The following CCNYL1 variants were observed in gnomAD, a reference collection of about 807,000 sequenced individuals.
CCNYL1 encodes cyclin Y like 1.
CCNYL1 carries 16 observed loss-of-function variants against 44.2 expected under a neutral mutation model. The observed-to-expected ratio is 0.36, with a 90% CI of 0.25 to 0.55. The LOEUF (loss-of-function observed/expected upper bound fraction) is 0.55. Ranked by LOEUF, CCNYL1 falls within the 20% of genes least tolerant of loss-of-function variation. CCNYL1 has a pLI of 0.85. For synonymous variants in CCNYL1, 159 were observed against 163.2 expected (o/e 0.97, Z 0.20); for missense variants, 348 against 451.8 (o/e 0.77, Z 2.08).
chr2:207,729,457 A>G (rs2091708179), intron 3 of CCNYL1, among the ~76,000 whole-genome samples: 1 of 151,088 alleles, frequency 6.6e-6, no homozygotes. Flanking sequence ...CCTTTTTCCT[A>G]TTGTTTTGCT....
At chr2:207,733,882 GA>G (rs1489911521) in intron 3 of CCNYL1, 64 bp from the exon 4 acceptor site, 15 of 1,047,350 alleles carry the variant, frequency 1.4e-5, no homozygotes, top group Admixed American at 1.3e-4. Context: ...TTTAACCAAG[GA>G]AAAACCACAC....
chr2:207,731,577 A>G (rs1222076375), intron 3 of CCNYL1, among the ~76,000 whole-genome samples: 2 of 152,074 alleles, frequency 1.3e-5, no homozygotes, highest in African/African-American at 4.8e-5. Context: ...TTGAGGTTGT[A>G]AGTCAGCTTT....
intron 7 of CCNYL1, among the ~76,000 whole-genome samples, chr2:207,744,530 AT>A (rs57198526): frequency 3.5e-3 from 486 of 137,292 alleles, no homozygotes; most frequent in Middle Eastern, 3.8e-3. Context: ...ACCACGCCTA[AT>A]TTTTTTTTTT....
chr2:207,724,791 C>T lies in CCNYL1; in HGVS notation c.221-9C>T. On this transcript the variant is annotated splice_polypyrimidine_tract_variant and intron_variant, in intron 1 of 9. Coordinates refer to ENST00000295414, the MANE Select transcript of CCNYL1 (RefSeq NM_001330218.2). Reference sequence around the variant, plus strand: ...TAAAGTGTCACGTCTTTTTCCTCCTCTTCTATAGATTTAGCTTTGGAGTCA... The same window carrying T: ...TAAAGTGTCACGTCTTTTTCCTCCTTTTCTATAGATTTAGCTTTGGAGTCA... The T allele has an allele frequency of 6.2e-7, 1 of 1,608,240 alleles. No homozygotes were observed. The highest frequency in any genetic ancestry group is 8.5e-7 in the Non-Finnish European group (1 of 1,175,236).
At chr2:207,732,057 G>A (rs1466715713) in intron 3 of CCNYL1, among the ~76,000 whole-genome samples, 3 of 152,170 alleles carry the variant, frequency 2.0e-5, no homozygotes, top group South Asian at 2.1e-4. Flanking sequence ...TGATCCACCC[G>A]CCTTGGCCTT....
At chr2:207,714,454 G>T in intron 1 of CCNYL1, 1 of 369,450 alleles carries the variant, frequency 2.7e-6, no homozygotes, top group Non-Finnish European at 5.2e-6. Flanking sequence ...GTGCCATCTT[G>T]CCTGGCTCCA....
At chr2:207,714,387 C>T (rs957334315) in intron 1 of CCNYL1, 5 of 415,754 alleles carry the variant, frequency 1.2e-5, no homozygotes, top group Admixed American at 3.0e-5. Context: ...GAACTCCTGG[C>T]CTGGGCTCAA....
chr2:207,714,287 C>A, intron 1 of CCNYL1: 1 of 399,918 alleles, frequency 2.5e-6, no homozygotes, highest in South Asian at 1.8e-5. Flanking sequence ...TTATTTTACA[C>A]GATTCAGAGG....
intron 1 of CCNYL1, among the ~76,000 whole-genome samples, 160 bp downstream of exon 1, chr2:207,712,276 G>A (rs1309052612): frequency 1.3e-5 from 2 of 152,042 alleles, no homozygotes; most frequent in African/African-American, 4.8e-5. Context: ...CCTTATTCTT[G>A]CCCTGCTGCG....
chr2:207,722,767 T>G (rs554593686), intron 1 of CCNYL1, among the ~76,000 whole-genome samples: 2 of 152,184 alleles, frequency 1.3e-5, no homozygotes, highest in Admixed American at 1.3e-4. Context: ...GAGACCAGCC[T>G]GGCCAGCATG....
chr2:207,753,069 T>A (rs976427279), intron 9 of CCNYL1, among the ~76,000 whole-genome samples: 2 of 151,884 alleles, frequency 1.3e-5, no homozygotes, highest in Non-Finnish European at 2.9e-5. Flanking sequence ...ATTTCTACCA[T>A]AATTAACGTG....
chr2:207,715,230 T>A (rs1314030337), intron 1 of CCNYL1, among the ~76,000 whole-genome samples: 3 of 152,010 alleles, frequency 2.0e-5, no homozygotes, highest in Non-Finnish European at 4.4e-5. Flanking sequence ...ATCGTGCCAC[T>A]GCACTCTAGC....
intron 1 of CCNYL1, among the ~76,000 whole-genome samples, chr2:207,723,742 G>T (rs1045877570): frequency 2.0e-5 from 3 of 151,960 alleles, no homozygotes; most frequent in African/African-American, 7.3e-5. Context: ...CGGCGTGGTG[G>T]CAGGCACCTG....
In CCNYL1 at chr2:207,712,013, C is replaced by T. The variant is rs777386396; in HGVS notation, c.117C>T (p.Asp39=). 16 of 1,486,064 alleles carry T rather than the reference C, an allele frequency of 1.1e-5. No homozygotes were observed. The highest frequency in any genetic ancestry group is 2.3e-5 in the Admixed American group (1 of 43,392). The allele number at this position is 1,486,064 out of a possible 1,614,324, so 92.1% of individuals were successfully genotyped here. A position where few individuals can be genotyped will look rare whatever the true frequency, so the allele number is the denominator to read the frequency against. ...ACATCTACGAGGCGGTGTCCGGGGA[C>T]GCGGTGGCGGTAGCGCCCGCTGTGG... is the stretch of plus-strand genomic sequence containing the variant. The part of the protein sequence containing the change: ...ASDIYEAVSG[D]AVAVAPAVVE... The change falls in exon 1 of 10, where the codon GAC becomes GAT. Residue 39 remains aspartate (D), a synonymous_variant. Transcript: ENST00000295414.
chr2:207,733,812 T>C (rs2091746100), intron 3 of CCNYL1, 135 bp from the exon 4 acceptor site: 1 of 611,784 alleles, frequency 1.6e-6, no homozygotes, highest in Middle Eastern at 4.5e-4. Context: ...CTGCACATGA[T>C]ACTACACTCA....
intron 9 of CCNYL1, 45 bp from the exon 10 acceptor site, chr2:207,753,543 C>A (rs199796195): frequency 6.0e-6 from 8 of 1,324,750 alleles, no homozygotes; most frequent in Admixed American, 1.7e-5. Context: ...AGGCGGGAAC[C>A]CTTTTTAAAA....
At chr2:207,724,925 T>A in intron 2 of CCNYL1, 51 bp downstream of exon 2, 3 of 1,394,120 alleles carry the variant, frequency 2.2e-6, no homozygotes, top group Middle Eastern at 1.8e-4. Context: ...AAACTGTTTC[T>A]ATTTTATTGG....
chr2:207,750,098 T>C (rs2091880935), intron 8 of CCNYL1, among the ~76,000 whole-genome samples: 1 of 152,210 alleles, frequency 6.6e-6, no homozygotes, highest in African/African-American at 2.4e-5. Flanking sequence ...ACTCCTACAT[T>C]CTGTTCTGAC....
At chr2:207,712,726 A>G (rs1005430846) in intron 1 of CCNYL1, among the ~76,000 whole-genome samples, 1 of 152,176 alleles carries the variant, frequency 6.6e-6, no homozygotes, top group African/African-American at 2.4e-5. Context: ...ATTCCTTCCA[A>G]CTATAATTTG....
Sources: allele counts gnomAD v4.1 joint callset (sites outside exome capture counted in the v4.1 genomes callset), GRCh38; gene constraint gnomAD v4.1.1; transcripts MANE v1.5; gene names NCBI Gene and HGNC (gene_info 2026-07-23, HGNC 2026-07-21).